TNFAIP8L1: variants seen among roughly 807,000 people sequenced by gnomAD.
The protein encoded by TNFAIP8L1 is TNF alpha induced protein 8 like 1, also known as tumor necrosis factor alpha-induced protein 8-like protein 1.
For synonymous variants in TNFAIP8L1, 127 were observed against 125.6 expected (o/e 1.01, Z -0.08); for missense variants, 225 against 266.1 (o/e 0.85, Z 1.08).
intron 1 of TNFAIP8L1, chr19:4,640,909 AC>A (rs1418535747): frequency 1.3e-5 from 2 of 152,436 alleles, no homozygotes; most frequent in African/African-American, 4.8e-5. Flanking sequence ...ACCTATGGAA[AC>A]CGTGAACAAA....
Position 4,652,592 on chromosome 19 carries a change from G to C in TNFAIP8L1, c.*162G>C, listed in dbSNP as rs537507312. On this transcript the variant is annotated 3_prime_UTR_variant, in exon 2 of 2. Coordinates refer to ENST00000327473, the MANE Select transcript of TNFAIP8L1 (RefSeq NM_152362.3). ...CTGTCTCCTTTGAGAGGATGCTGAG[G>C]CATCTGTAGCAGCTGTTTCAAACAC... 1 of 669,064 alleles carries C rather than the reference G, an allele frequency of 1.5e-6. No homozygotes were observed. Among genetic ancestry groups the C allele is most frequent in the Non-Finnish European group, 2.4e-6 (1 of 413,314 alleles). 41.4% of individuals were successfully genotyped at this position (669,064 alleles called of 1,614,324 possible).
chr19:4,646,393 C>G (rs749616053), intron 1 of TNFAIP8L1, among the ~76,000 whole-genome samples: 17 of 151,582 alleles, frequency 1.1e-4, no homozygotes, highest in Non-Finnish European at 2.4e-4. Context: ...TCCCAAACTG[C>G]TGGGATTACA....
At chr19:4,650,436 A>G (rs2088351122) in intron 1 of TNFAIP8L1, among the ~76,000 whole-genome samples, 1 of 152,000 alleles carries the variant, frequency 6.6e-6, no homozygotes, top group South Asian at 2.1e-4. Context: ...AGGAGCTGTC[A>G]GCTTGTTCTC....
At position 4,653,642 on chromosome 19, in the gene TNFAIP8L1, C is replaced by G. The variant is rs1035878030; in HGVS notation, c.*1212C>G. 1 of 151,858 alleles carries G rather than the reference C, an allele frequency of 6.6e-6. No homozygotes were observed. The highest frequency in any genetic ancestry group is 1.5e-5 in the Non-Finnish European group (1 of 68,082). 9.4% of individuals were successfully genotyped at this position (151,858 alleles called of 1,614,324 possible). On this transcript the variant is annotated 3_prime_UTR_variant, in exon 2 of 2. Coordinates refer to ENST00000327473, the MANE Select transcript of TNFAIP8L1 (RefSeq NM_152362.3). Reference sequence around the variant, plus strand: ...TGGTGTTGCGTGCCTGTAGTCCCAGCTACTTGGGAGGCTGAGGCAGGAGAA... The same window carrying G: ...TGGTGTTGCGTGCCTGTAGTCCCAGGTACTTGGGAGGCTGAGGCAGGAGAA...
chr19:4,647,799 A>AT (rs998908725), intron 1 of TNFAIP8L1, among the ~76,000 whole-genome samples: 7 of 149,706 alleles, frequency 4.7e-5, no homozygotes, highest in Non-Finnish European at 7.4e-5. Flanking sequence ...ATTAAAAAAA[A>AT]TTTTTTTTTG....
At chr19:4,648,628 G>A (rs2088333549) in intron 1 of TNFAIP8L1, among the ~76,000 whole-genome samples, 1 of 152,212 alleles carries the variant, frequency 6.6e-6, no homozygotes, top group Non-Finnish European at 1.5e-5. Flanking sequence ...TGGGAGCCCA[G>A]GCCCTTCCTG....
At chr19:4,650,849 T>C (rs1377450638) in intron 1 of TNFAIP8L1, among the ~76,000 whole-genome samples, 1 of 152,004 alleles carries the variant, frequency 6.6e-6, no homozygotes, top group African/African-American at 2.4e-5. Flanking sequence ...CCAGGTGTGG[T>C]GGCGGGCGCC....
intron 1 of TNFAIP8L1, among the ~76,000 whole-genome samples, chr19:4,644,054 T>C (rs2088287199): frequency 6.7e-6 from 1 of 149,100 alleles, no homozygotes; most frequent in African/African-American, 2.5e-5. Context: ...AAACCCCGTC[T>C]CTACTAAAAA....
chr19:4,651,878 C>G lies in TNFAIP8L1; in HGVS notation c.9C>G (p.Thr3=). Residue 3 remains threonine, a synonymous_variant, in exon 2 of 2, where the codon ACC becomes ACG. Coordinates refer to ENST00000327473, the MANE Select transcript of TNFAIP8L1 (RefSeq NM_152362.3). MD[T]FSTKSLALQA... The stretch of plus-strand genomic sequence containing the variant: ...TGTGTCCCCCGCAGGCCATGGACAC[C>G]TTCAGCACCAAGAGCCTGGCTCTGC... 6.2e-7 allele frequency: 1 copy of G among 1,604,508 alleles called. No homozygotes were observed. The highest frequency in any genetic ancestry group is 8.5e-7 in the Non-Finnish European group (1 of 1,172,992).
intron 1 of TNFAIP8L1, 80 bp from the exon 2 acceptor site, chr19:4,651,787 G>T: frequency 6.9e-7 from 1 of 1,439,898 alleles, no homozygotes; most frequent in South Asian, 1.4e-5. Flanking sequence ...AGGCCCTCTG[G>T]GGTCTGTGGT....
At chr19:4,649,848 C>T (rs1309375371) in intron 1 of TNFAIP8L1, among the ~76,000 whole-genome samples, 2 of 152,236 alleles carry the variant, frequency 1.3e-5, no homozygotes, top group African/African-American at 4.8e-5. Context: ...CCCGTGCCTG[C>T]CCTGACCTCA....
intron 1 of TNFAIP8L1, among the ~76,000 whole-genome samples, chr19:4,643,973 C>G (rs530300060): frequency 6.6e-6 from 1 of 152,146 alleles, no homozygotes; most frequent in South Asian, 2.1e-4. Flanking sequence ...GTAATCCCAG[C>G]ACTTTGGGTG....
intron 1 of TNFAIP8L1, among the ~76,000 whole-genome samples, chr19:4,644,273 C>A (rs2088289420): frequency 6.6e-6 from 1 of 151,668 alleles, no homozygotes; most frequent in Non-Finnish European, 1.5e-5. Flanking sequence ...AGTGTGGCAG[C>A]TCACGCCTGC....
chr19:4,641,712 C>T lies in TNFAIP8L1; in HGVS notation c.-4+2083C>T, dbSNP rs867068047. On this transcript the variant is annotated intron_variant, in intron 1 of 1. Coordinates refer to ENST00000327473, the MANE Select transcript of TNFAIP8L1 (RefSeq NM_152362.3). The surrounding 1 kb of genome is among the most constrained non-coding windows in gnomAD (Gnocchi z 4.6). ...ATTCAACAAGATATTGTTAAAAGCC[C>T]GAGGAGGGGATTACAGGACACAGTA... 4.6e-5 allele frequency: 7 copies of T among 152,052 alleles called. No homozygotes were observed. The highest frequency in any genetic ancestry group is 2.1e-4 in the South Asian group (1 of 4,824). The allele number at this position is 152,052 out of a possible 1,614,324, so 9.4% of individuals were successfully genotyped here. A position where few individuals can be genotyped will look rare whatever the true frequency, so the allele number is the denominator to read the frequency against.
chr19:4,643,053 T>C (rs770500270), intron 1 of TNFAIP8L1, among the ~76,000 whole-genome samples: 10 of 151,754 alleles, frequency 6.6e-5, no homozygotes, highest in Non-Finnish European at 8.8e-5. Context: ...CTGAGGCAAG[T>C]GGATCACCTG....
At chr19:4,649,816 A>C (rs1039462277) in intron 1 of TNFAIP8L1, among the ~76,000 whole-genome samples, 7 of 152,232 alleles carry the variant, frequency 4.6e-5, no homozygotes, top group African/African-American at 1.7e-4. Context: ...GTCGGAGGGC[A>C]GGGGCGGCCC....
chr19:4,641,059 C>T lies in TNFAIP8L1; in HGVS notation c.-4+1430C>T, dbSNP rs988719597. On this transcript the variant is annotated intron_variant, in intron 1 of 1. Transcript: ENST00000327473. The surrounding 1 kb of genome is among the most constrained non-coding windows in gnomAD (Gnocchi z 4.6). ...CCGGGGGGGGGACTTGAACCCTGCT[C>T]CAATGGTGGGGTGGCTCTGCAGACG... 1.3e-5 allele frequency: 2 copies of T among 152,216 alleles called. No individual in the cohort carries two copies. The highest frequency in any genetic ancestry group is 2.4e-5 in the African/African-American group (1 of 41,398). 9.4% of individuals were successfully genotyped at this position (152,216 alleles called of 1,614,324 possible).
At chr19:4,651,320 CATA>C (rs1289895481) in intron 1 of TNFAIP8L1, among the ~76,000 whole-genome samples, 1 of 151,832 alleles carries the variant, frequency 6.6e-6, no homozygotes, top group African/African-American at 2.4e-5. Flanking sequence ...TAATAATAAT[CATA>C]ATAATAAATA....
Position 4,652,463 on chromosome 19 carries a change from C to G in TNFAIP8L1, c.*33C>G. The G allele has an allele frequency of 7.5e-6, 11 of 1,474,576 alleles. No individual in the cohort carries two copies. The highest frequency in any genetic ancestry group is 9.0e-6 in the Non-Finnish European group (10 of 1,110,058). The allele number at this position is 1,474,576 out of a possible 1,614,324, so 91.3% of individuals were successfully genotyped here. ...CGCCGCCCAACCGCGCCCCTCGCGC[C>G]TTTTGGGGCTCTCCTGCTGGGCGCG... On this transcript the variant is annotated 3_prime_UTR_variant, in exon 2 of 2. Coordinates refer to ENST00000327473, the MANE Select transcript of TNFAIP8L1 (RefSeq NM_152362.3).
Sources: gnomAD v4.1 joint callset for allele counts (sites outside exome capture counted in the v4.1 genomes callset) on GRCh38, gnomAD v4.1.1 for gene constraint, Gnocchi (gnomAD v3.1) non-coding constraint, MANE v1.5 for transcripts, NCBI Gene and HGNC (gene_info 2026-07-23, HGNC 2026-07-21) for gene names.